Variants in CACNA1A observed in about 807,000 individuals in gnomAD.
The protein encoded by CACNA1A is calcium voltage-gated channel subunit alpha1 A.
CACNA1A carries 57 observed loss-of-function variants against 262.4 expected under a neutral mutation model. That is an observed-to-expected ratio of 0.22 (90% CI 0.18 to 0.27). CACNA1A has a LOEUF of 0.27. Ranked by LOEUF, CACNA1A falls within the 10% of genes least tolerant of loss-of-function variation. CACNA1A has a pLI of 1.00. For missense variants in CACNA1A, 2,526 were observed against 3,562.8 expected (o/e 0.71, Z 7.41); for synonymous variants, 1,431 against 1,419.3 (o/e 1.01, Z -0.18).
chr19:13,306,086 G>T (rs74258000), intron 15 of CACNA1A, among the ~76,000 whole-genome samples: 6 of 151,488 alleles, frequency 4.0e-5, no homozygotes, highest in Admixed American at 3.3e-4. Context: ...TCGCTTATGT[G>T]GGGGCTCAGA....
At chr19:13,503,545 G>A (rs550298702) in intron 1 of CACNA1A, among the ~76,000 whole-genome samples, 1 of 151,564 alleles carries the variant, frequency 6.6e-6, no homozygotes, top group South Asian at 2.1e-4. Flanking sequence ...GACATTCCAC[G>A]TGTCTTTCTC....
intron 31 of CACNA1A, among the ~76,000 whole-genome samples, chr19:13,237,408 C>T (rs1346643810): frequency 6.6e-6 from 1 of 152,192 alleles, no homozygotes; most frequent in Non-Finnish European, 1.5e-5. Flanking sequence ...GGTGACCATA[C>T]AGTCACAGCC....
intron 15 of CACNA1A, chr19:13,307,157 C>G (rs1223455227): frequency 6.6e-6 from 1 of 152,022 alleles, no homozygotes; most frequent in African/African-American, 2.4e-5. Flanking sequence ...GAGACGGAGT[C>G]TCACTATGTT....
chr19:13,482,848 TTGTGTGTGTGTGTGTGTG>T (rs34754803), intron 1 of CACNA1A, among the ~76,000 whole-genome samples: 4,819 of 134,006 alleles, frequency 0.036, 243 homozygotes, highest in African/African-American at 0.12. Context: ...TTCTCTCAAC[TTGTGTGTGTGTGTGTGTG>T]TGTGTGTGTG....
chr19:13,410,976 C>G (rs77820317), intron 3 of CACNA1A, among the ~76,000 whole-genome samples: 3 of 152,134 alleles, frequency 2.0e-5, no homozygotes, highest in Admixed American at 6.5e-5. Flanking sequence ...TCTCCTGCAT[C>G]TATGCCCTTA....
intron 6 of CACNA1A, among the ~76,000 whole-genome samples, chr19:13,340,818 T>G (rs1021327673): frequency 5.3e-5 from 8 of 152,152 alleles, no homozygotes; most frequent in African/African-American, 1.9e-4. Flanking sequence ...CCCTGGTACC[T>G]ATGAATTGGA....
chr19:13,477,948 TCAC>T lies in CACNA1A; in HGVS notation c.294-22739_294-22737del, dbSNP rs1978759433. ...AGACCTCGTGACAGTCATCTTCTCA[TCAC>T]CACATCTGCAAATGTGTGGGTGGAT... On this transcript the variant is annotated intron_variant, in intron 1 of 46. Coordinates refer to ENST00000360228, the MANE Select transcript of CACNA1A (RefSeq NM_001127222.2). Among the ~76,000 whole-genome samples the T allele has an allele frequency of 2.0e-5, 3 of 152,252 alleles. No individual in the cohort carries two copies. In the South Asian group the frequency reaches 6.2e-4, roughly 32 times the overall value.
Position 13,207,121 on chromosome 19 carries a change from G to A in CACNA1A, c.*192C>T. 1 of 540,896 alleles carries A rather than the reference G, an allele frequency of 1.8e-6. No individual in the cohort carries two copies. Among genetic ancestry groups the A allele is most frequent in the South Asian group, 2.7e-5 (1 of 36,488 alleles). The allele number at this position is 540,896 out of a possible 1,614,324, so 33.5% of individuals were successfully genotyped here. On this transcript the variant is annotated 3_prime_UTR_variant, in exon 47 of 47. Coordinates refer to ENST00000360228, the MANE Select transcript of CACNA1A (RefSeq NM_001127222.2). The surrounding 1 kb of genome is among the most constrained non-coding windows in gnomAD (Gnocchi z 5.7). The stretch of plus-strand genomic sequence containing the variant: ...GGGGGGCGCCGTGGCTGCCCAGGAG[G>A]GTCTCTTTTGGCCGAGGGTCTCTGC...
rs1280663546 is a variant in CACNA1A, at chr19:13,207,415, G to A, written c.7419C>T (p.Pro2473=). 5 of 1,530,968 alleles carry A rather than the reference G, an allele frequency of 3.3e-6. No individual in the cohort carries two copies. Among genetic ancestry groups the A allele is most frequent in the Non-Finnish European group, 4.4e-6 (5 of 1,143,994 alleles). The allele number at this position is 1,530,968 out of a possible 1,614,324, so 94.8% of individuals were successfully genotyped here. Residue 2473 remains proline (P), a synonymous_variant, in exon 47 of 47, where the codon CCC becomes CCT. Transcript: ENST00000360228. This position sits in a 1 kb window ranked among gnomAD's most constrained non-coding sequence, Gnocchi z 5.7. ...GTCCGTGCGCCGGGTAGTAGCCGTT[G>A]GGGAGTCGCCGGCCGTGCCGAGAAG... is the stretch of plus-strand genomic sequence containing the variant. The part of the protein sequence containing the change: ...ASPSRHGRRL[P]NGYYPAHGLA...
chr19:13,294,294 A>G (rs1045617152), intron 19 of CACNA1A, among the ~76,000 whole-genome samples: 1 of 151,924 alleles, frequency 6.6e-6, no homozygotes, highest in African/African-American at 2.4e-5. Context: ...CTGTGTGAGG[A>G]GCACTAGAAA....
At chr19:13,447,933 G>A (rs1013078843) in intron 3 of CACNA1A, among the ~76,000 whole-genome samples, 15 of 152,136 alleles carry the variant, frequency 9.9e-5, no homozygotes, top group African/African-American at 3.6e-4. Flanking sequence ...CGGCTCAAAT[G>A]TTAATCTCCT....
rs575702659 is a variant in CACNA1A, at chr19:13,376,604, AAT to A, written c.540-4827_540-4826del. On this transcript the variant is annotated intron_variant, in intron 3 of 46. Transcript: ENST00000360228. ...ATAACATATGAGATATATAACACAT[AAT>A]ATATGTTATATATAACACACTACAC... is the stretch of plus-strand genomic sequence containing the variant. Among the ~76,000 whole-genome samples, 516 of 148,576 alleles carry A rather than the reference AAT, an allele frequency of 3.5e-3. 13 individuals are homozygous for A. Among genetic ancestry groups the A allele is most frequent in the South Asian group, 2.5e-3 (12 of 4,780 alleles).
chr19:13,296,830 G>A (rs568833329), intron 19 of CACNA1A, among the ~76,000 whole-genome samples: 5 of 152,288 alleles, frequency 3.3e-5, no homozygotes, highest in African/African-American at 1.2e-4. Context: ...TGCAATCATA[G>A]CTCATCATAG....
chr19:13,228,548 G>C, intron 36 of CACNA1A: 3 of 231,504 alleles, frequency 1.3e-5, no homozygotes, highest in Non-Finnish European at 2.4e-5. Flanking sequence ...GGCTAAGAGA[G>C]TTTTCTAGTT....
At chr19:13,213,926 T>G (rs2054907894) in intron 40 of CACNA1A, 2 of 314,848 alleles carry the variant, frequency 6.4e-6, no homozygotes, top group Non-Finnish European at 1.2e-5. Context: ...CCTCAAGTGA[T>G]CCTCCCATCT....
intron 27 of CACNA1A, 121 bp downstream of exon 27, chr19:13,259,443 A>G (rs1443332064): frequency 3.8e-6 from 3 of 786,732 alleles, no homozygotes; most frequent in Admixed American, 3.2e-5. Context: ...AAGTGTTGGG[A>G]TTACAGGCGT....
intron 3 of CACNA1A, among the ~76,000 whole-genome samples, chr19:13,382,101 C>G (rs1222320370): frequency 1.3e-5 from 2 of 152,092 alleles, no homozygotes; most frequent in Non-Finnish European, 2.9e-5. Context: ...CTAAGACAAA[C>G]TCCACCCTGC....
At position 13,301,264 on chromosome 19, in the gene CACNA1A, C is replaced by A. The variant is rs190560149; in HGVS notation, c.2173-608G>T. ...TGCCACCATGCCTGGCCCCTGCATC[C>A]TGTCTTAATGAGCTGGAAAGCAGTG... On this transcript the variant is annotated intron_variant, in intron 17 of 46. Coordinates refer to ENST00000360228, the MANE Select transcript of CACNA1A (RefSeq NM_001127222.2). 2.5e-3 allele frequency among the ~76,000 whole-genome samples: 381 copies of A among 152,226 alleles called. 1 individual carries two copies. Among genetic ancestry groups the A allele is most frequent in the Non-Finnish European group, 2.5e-3 (169 of 68,002 alleles).
At chr19:13,211,377 C>T (rs1452590043) in intron 43 of CACNA1A, 1 of 153,402 alleles carries the variant, frequency 6.5e-6, no homozygotes, top group African/African-American at 2.4e-5. Flanking sequence ...GGCCCTCTGT[C>T]CCATGAGTCC....
Sources: gnomAD v4.1 joint callset for allele counts (sites outside exome capture counted in the v4.1 genomes callset) on GRCh38, gnomAD v4.1.1 for gene constraint, Gnocchi (gnomAD v3.1) non-coding constraint, MANE v1.5 for transcripts, NCBI Gene and HGNC (gene_info 2026-07-23, HGNC 2026-07-21) for gene names.